The following TSPEAR variants were observed in gnomAD, a reference collection of about 807,000 sequenced individuals.
The protein encoded by TSPEAR is thrombospondin-type laminin G domain and EAR repeat-containing protein.
In TSPEAR, 69 loss-of-function variants were observed where a neutral mutation model predicts 71.6. The observed-to-expected ratio is 0.96, with a 90% CI of 0.79 to 1.18. The LOEUF (loss-of-function observed/expected upper bound fraction) is 1.18. TSPEAR is among the 50% of genes most tolerant of loss of function. TSPEAR has a pLI of 0.00. For missense variants in TSPEAR, 971 were observed against 894.9 expected, an observed-to-expected ratio of 1.09 and a Z score of -1.09; for synonymous variants, 402 against 387.2, an observed-to-expected ratio of 1.04 and a Z score of -0.45.
At chr21:44,666,539 C>T (rs781800550) in intron 1 of TSPEAR, 7 of 1,612,784 alleles carry the variant, frequency 4.3e-6, no homozygotes, top group South Asian at 2.2e-5. Context: ...AGGACGGAGC[C>T]GCATACACGA....
At chr21:44,650,365 T>C (rs903340643) in intron 1 of TSPEAR, among the ~76,000 whole-genome samples, 2 of 124,564 alleles carry the variant, frequency 1.6e-5, no homozygotes, top group African/African-American at 6.5e-5. Context: ...CTTCTGTTTT[T>C]ATAAAAAGGC....
intron 1 of TSPEAR, among the ~76,000 whole-genome samples, chr21:44,662,664 C>T (rs1445695290): frequency 1.3e-5 from 2 of 152,186 alleles, no homozygotes; most frequent in African/African-American, 2.4e-5. Flanking sequence ...ATAACAGATA[C>T]ACATTCTTTT....
intron 2 of TSPEAR, chr21:44,558,824 T>A: frequency 7.2e-7 from 1 of 1,391,050 alleles, no homozygotes; most frequent in Non-Finnish European, 9.8e-7. Context: ...TCGGAACCTT[T>A]ATACCCCTCT....
intron 3 of TSPEAR, among the ~76,000 whole-genome samples, chr21:44,532,032 C>T (rs1312396371): frequency 6.6e-6 from 1 of 152,230 alleles, no homozygotes; most frequent in Non-Finnish European, 1.5e-5. Flanking sequence ...CCCTGCTGTC[C>T]CAGAAAGCCC....
intron 9 of TSPEAR, among the ~76,000 whole-genome samples, chr21:44,514,969 C>T (rs2052514200): frequency 1.3e-5 from 2 of 152,162 alleles, no homozygotes; most frequent in Admixed American, 1.3e-4. Flanking sequence ...ATGCGCCCAC[C>T]CTGTGTTTCT....
At chr21:44,563,795 A>G (rs1204870866) in intron 2 of TSPEAR, among the ~76,000 whole-genome samples, 1 of 152,242 alleles carries the variant, frequency 6.6e-6, no homozygotes, top group African/African-American at 2.4e-5. Flanking sequence ...CGCAGTTTCA[A>G]CTATCAACAT....
chr21:44,565,733 TG>T (rs1431785448), intron 2 of TSPEAR, among the ~76,000 whole-genome samples: 1 of 152,156 alleles, frequency 6.6e-6, no homozygotes, highest in Non-Finnish European at 1.5e-5. Flanking sequence ...AGGGCATCTA[TG>T]AAGAATCCAC....
chr21:44,603,040 A>T (rs587678794), intron 1 of TSPEAR, among the ~76,000 whole-genome samples: 1 of 123,396 alleles, frequency 8.1e-6, no homozygotes, highest in South Asian at 2.9e-4. Flanking sequence ...GCTTCCTTTG[A>T]CTCCTGCTCC....
chr21:44,545,402 C>T (rs1364840358), intron 2 of TSPEAR, among the ~76,000 whole-genome samples: 2 of 152,066 alleles, frequency 1.3e-5, no homozygotes, highest in African/African-American at 2.4e-5. Flanking sequence ...TGAAGAACCC[C>T]CTAAACAGGT....
intron 1 of TSPEAR, chr21:44,627,084 A>G: frequency 6.4e-7 from 1 of 1,553,864 alleles, no homozygotes; most frequent in Non-Finnish European, 8.7e-7. Flanking sequence ...TGAGAGCCCC[A>G]AGAACCTCAC....
chr21:44,633,001 T>C (rs62219771), intron 1 of TSPEAR, among the ~76,000 whole-genome samples: 24 of 152,326 alleles, frequency 1.6e-4, no homozygotes, highest in African/African-American at 5.8e-4. Flanking sequence ...ATTTTATTGA[T>C]TTTATGTGTT....
chr21:44,500,275 C>A (rs1437382920), intron 11 of TSPEAR, among the ~76,000 whole-genome samples: 1 of 152,190 alleles, frequency 6.6e-6, no homozygotes, highest in Admixed American at 6.5e-5. Flanking sequence ...TTCCCCAGGG[C>A]CCCCCTCAAA....
intron 1 of TSPEAR, among the ~76,000 whole-genome samples, chr21:44,647,942 C>T (rs1240959108): frequency 6.6e-6 from 1 of 152,244 alleles, no homozygotes; most frequent in African/African-American, 2.4e-5. Flanking sequence ...TGCCTGTCCC[C>T]TGCCAGTCCA....
intron 1 of TSPEAR, among the ~76,000 whole-genome samples, chr21:44,604,652 C>T (rs782217769): frequency 1.7e-4 from 26 of 152,252 alleles, no homozygotes; most frequent in Non-Finnish European, 3.4e-4. Context: ...GAGTGGGCAT[C>T]CTTGCCTTGT....
At position 44,550,951 on chromosome 21, in the gene TSPEAR, G is replaced by A. The variant is rs782160184; in HGVS notation, c.303+16834C>T. 10 of 1,612,178 alleles carry A rather than the reference G, an allele frequency of 6.2e-6. No homozygotes were observed. In the Admixed American group the frequency reaches 1.7e-4, roughly 27 times the overall value. On this transcript the variant is annotated intron_variant, in intron 2 of 11. Transcript: ENST00000323084. ...CACGGGGAGGAGGTGCAGCAAGCCG[G>A]CTGGCAGCTAGACTGCTGGCAGCAT...
chr21:44,598,000 G>A (rs782401905), intron 1 of TSPEAR, among the ~76,000 whole-genome samples: 38 of 151,474 alleles, frequency 2.5e-4, no homozygotes, highest in African/African-American at 8.7e-4. Flanking sequence ...TTCATTATTC[G>A]TGAGATAAGG....
chr21:44,672,618 T>G (rs1251607087), intron 1 of TSPEAR, among the ~76,000 whole-genome samples: 1 of 152,126 alleles, frequency 6.6e-6, no homozygotes, highest in Non-Finnish European at 1.5e-5. Flanking sequence ...AGGTGAAAAT[T>G]TCCCTAGTCT....
At chr21:44,602,013 G>A in intron 1 of TSPEAR, 1 of 567,136 alleles carries the variant, frequency 1.8e-6, no homozygotes, top group Non-Finnish European at 3.2e-6. Context: ...CCGGTGTGGG[G>A]AGAAATGAGG....
intron 1 of TSPEAR, among the ~76,000 whole-genome samples, chr21:44,568,570 T>C (rs1303817179): frequency 1.3e-5 from 2 of 151,978 alleles, no homozygotes; most frequent in Non-Finnish European, 2.9e-5. Flanking sequence ...GATTCAAAGT[T>C]GGTGGGAACA....
Sources: allele counts gnomAD v4.1 joint callset (sites outside exome capture counted in the v4.1 genomes callset), GRCh38; gene constraint gnomAD v4.1.1; transcripts MANE v1.5; gene names NCBI Gene and HGNC (gene_info 2026-07-23, HGNC 2026-07-21).